ZNF469: variants seen among roughly 807,000 people sequenced by gnomAD.
The protein encoded by ZNF469 is zinc finger protein 469.
A neutral mutation model predicts 1.0 loss-of-function variants in ZNF469; 1 was observed. The observed-to-expected ratio is 1.00, with a 90% CI of 0.35 to 4.73. ZNF469 has a LOEUF of 4.73. Ranked by LOEUF, ZNF469 falls within the 30% of genes most tolerant of loss-of-function variation. ZNF469 has a pLI of 0.16. For missense variants in ZNF469, 6,100 were observed against 5,356.3 expected, an observed-to-expected ratio of 1.14 and a Z score of -4.33; for synonymous variants, 2,703 against 2,363.4, an observed-to-expected ratio of 1.14 and a Z score of -4.17.
the ZNF469 span, among the ~76,000 whole-genome samples, chr16:88,205,414 A>G: frequency 3.3e-5 from 5 of 152,126 alleles, no homozygotes; most frequent in Non-Finnish European, 7.4e-5. The surrounding 1 kb of genome is among the most constrained non-coding windows in gnomAD (Gnocchi z 4.2). Flanking sequence ...AGGGTTCCCC[A>G]TTTGGGCTGT....
chr16:88,407,885 A>G (rs1480504211), intron 1 of ZNF469, among the ~76,000 whole-genome samples: 1 of 152,264 alleles, frequency 6.6e-6, no homozygotes, highest in Non-Finnish European at 1.5e-5. Context: ...CAGGTAGGAC[A>G]TAGAAACCAC....
the ZNF469 span, among the ~76,000 whole-genome samples, chr16:88,147,796 G>A: frequency 6.6e-6 from 1 of 152,162 alleles, no homozygotes; most frequent in East Asian, 1.9e-4. Flanking sequence ...CACAGCCCAC[G>A]TGCAGCTGAC....
At chr16:88,365,239 G>A in the ZNF469 span, among the ~76,000 whole-genome samples, 1 of 152,192 alleles carries the variant, frequency 6.6e-6, no homozygotes, top group East Asian at 1.9e-4. Flanking sequence ...CCAGATATTA[G>A]TTGTGTTCAA....
At chr16:88,352,756 C>G in the ZNF469 span, among the ~76,000 whole-genome samples, 1 of 152,234 alleles carries the variant, frequency 6.6e-6, no homozygotes, top group Non-Finnish European at 1.5e-5. Flanking sequence ...CCCCTCTTCT[C>G]CCTCCCTAGG....
chr16:88,348,889 G>A, the ZNF469 span, among the ~76,000 whole-genome samples: 1 of 152,190 alleles, frequency 6.6e-6, no homozygotes, highest in African/African-American at 2.4e-5. Context: ...GCATGTATGT[G>A]TGTGCCTGCG....
the ZNF469 span, among the ~76,000 whole-genome samples, chr16:88,371,357 G>C: frequency 3.3e-5 from 5 of 152,226 alleles, no homozygotes; most frequent in East Asian, 5.8e-4. Context: ...CCATATACAT[G>C]AGCAATCAAG....
chr16:88,422,361 A>T (rs1383423970), intron 1 of ZNF469, among the ~76,000 whole-genome samples: 2 of 108,962 alleles, frequency 1.8e-5, no homozygotes. Context: ...GGATGGGGGG[A>T]TGAATGGGTG....
chr16:88,264,071 C>T, the ZNF469 span, among the ~76,000 whole-genome samples: 1 of 152,058 alleles, frequency 6.6e-6, no homozygotes, highest in South Asian at 2.1e-4. Flanking sequence ...CCCTGGGAGA[C>T]TTACTCCCCA....
chr16:88,234,002 T>A, the ZNF469 span, among the ~76,000 whole-genome samples: 2 of 152,258 alleles, frequency 1.3e-5, no homozygotes, highest in Non-Finnish European at 2.9e-5. Flanking sequence ...TTTAAGTGCT[T>A]TTTTAAACGA....
rs1175200846 is a variant in ZNF469 at position 88,383,147 on chromosome 16, G to A, written c.-299G>A. On this transcript the variant is annotated 5_prime_UTR_variant, in exon 1 of 3. Coordinates refer to ENST00000565624, the MANE Select transcript of ZNF469 (RefSeq NM_001367624.2). The stretch of plus-strand genomic sequence containing the variant: ...GCGGGCGGGCGGCCCGGGCGGGCCT[G>A]CGGTCGGGATGAGGACGGCGCCTCC... Among the ~76,000 whole-genome samples, 3 of 148,334 alleles carry A rather than the reference G, an allele frequency of 2.0e-5. No individual in the cohort carries two copies. The highest frequency in any genetic ancestry group is 2.1e-4 in the South Asian group (1 of 4,824).
intron 1 of ZNF469, among the ~76,000 whole-genome samples, chr16:88,421,062 C>T (rs941063774): frequency 6.6e-6 from 1 of 151,914 alleles, no homozygotes; most frequent in Non-Finnish European, 1.5e-5. Flanking sequence ...GAGAACCTGG[C>T]TCTCGAGGGT....
intron 1 of ZNF469, among the ~76,000 whole-genome samples, chr16:88,394,270 G>A (rs984735542): frequency 2.6e-5 from 4 of 151,674 alleles, no homozygotes; most frequent in African/African-American, 9.7e-5. Context: ...CACCTGCGCT[G>A]CCTGAGAGGA....
chr16:88,267,398 G>A, the ZNF469 span, among the ~76,000 whole-genome samples: 11 of 152,204 alleles, frequency 7.2e-5, no homozygotes, highest in South Asian at 4.1e-4. Flanking sequence ...CCGGGAGCCC[G>A]ACGCACACCC....
the ZNF469 span, among the ~76,000 whole-genome samples, chr16:88,285,494 G>T: frequency 6.6e-6 from 1 of 152,266 alleles, no homozygotes; most frequent in Non-Finnish European, 1.5e-5. Flanking sequence ...AGCCAGCGTG[G>T]GCAGGGCCAC....
At chr16:88,271,715 A>T in the ZNF469 span, among the ~76,000 whole-genome samples, 1 of 151,310 alleles carries the variant, frequency 6.6e-6, no homozygotes, top group Non-Finnish European at 1.5e-5. Context: ...TCCAATGGAG[A>T]CTAAGTAGGA....
the ZNF469 span, among the ~76,000 whole-genome samples, chr16:88,274,098 T>C: frequency 5.2e-3 from 790 of 152,342 alleles, 6 homozygotes; most frequent in African/African-American, 0.018. Context: ...CCACCGCGCC[T>C]GGCCAGAATA....
the ZNF469 span, among the ~76,000 whole-genome samples, chr16:88,236,878 T>C: frequency 6.6e-6 from 1 of 152,098 alleles, no homozygotes; most frequent in Non-Finnish European, 1.5e-5. Context: ...TTATATTTGG[T>C]TCACAGACTT....
chr16:88,308,313 C>A, the ZNF469 span, among the ~76,000 whole-genome samples: 18 of 152,278 alleles, frequency 1.2e-4, no homozygotes, highest in African/African-American at 3.9e-4. Context: ...TATTCTGAGT[C>A]CCTTACATTT....
At chr16:88,221,587 C>G in the ZNF469 span, among the ~76,000 whole-genome samples, 1 of 152,260 alleles carries the variant, frequency 6.6e-6, no homozygotes, top group Non-Finnish European at 1.5e-5. Context: ...GGGCCAGCGT[C>G]CAGTCTGCTA....
Sources: allele counts gnomAD v4.1 joint callset (sites outside exome capture counted in the v4.1 genomes callset), GRCh38; gene constraint gnomAD v4.1.1; non-coding constraint Gnocchi (gnomAD v3.1); transcripts MANE v1.5; gene names NCBI Gene and HGNC (gene_info 2026-07-23, HGNC 2026-07-21).